The following CNBD1 variants were observed in gnomAD, a reference collection of about 807,000 sequenced individuals.
CNBD1 encodes cyclic nucleotide-binding domain-containing protein 1.
In CNBD1, 71 loss-of-function variants were observed where a neutral mutation model predicts 54.4. The observed-to-expected ratio is 1.30, with a 90% CI of 1.08 to 1.59. The LOEUF is 1.59. CNBD1 is among the 40% of genes most tolerant of loss of function. The probability of loss-of-function intolerance (pLI) is 0.00; values close to 1 mark genes in which losing one functional copy is unlikely to be tolerated. For missense variants in CNBD1, 659 were observed against 518.0 expected (o/e 1.27, Z -2.64); for synonymous variants, 182 against 170.7 (o/e 1.07, Z -0.51).
At chr8:87,290,652 A>G (rs561830183) in intron 8 of CNBD1, among the ~76,000 whole-genome samples, 1 of 152,274 alleles carries the variant, frequency 6.6e-6, no homozygotes, top group South Asian at 2.1e-4. Flanking sequence ...GAGGGAGTAT[A>G]TGCTAGTAAC....
intron 4 of CNBD1, among the ~76,000 whole-genome samples, chr8:87,140,211 TTCTC>T (rs751577787): frequency 8.7e-5 from 13 of 149,566 alleles, no homozygotes; most frequent in East Asian, 5.8e-4. Context: ...TCTGTCTCTC[TTCTC>T]TCTCTCTCTC....
chr8:87,315,390 T>A (rs1269949129), intron 8 of CNBD1, among the ~76,000 whole-genome samples: 1 of 152,088 alleles, frequency 6.6e-6, no homozygotes, highest in African/African-American at 2.4e-5. Context: ...TAGAGATTTT[T>A]TTTTTTGGCT....
intron 8 of CNBD1, among the ~76,000 whole-genome samples, chr8:87,314,635 A>G (rs1266834400): frequency 1.3e-5 from 2 of 152,038 alleles, no homozygotes; most frequent in African/African-American, 2.4e-5. Flanking sequence ...ATATTATCAG[A>G]TTTGATTATC....
intron 4 of CNBD1, among the ~76,000 whole-genome samples, chr8:86,941,522 G>C (rs936737585): frequency 1.3e-5 from 2 of 152,144 alleles, no homozygotes; most frequent in Non-Finnish European, 2.9e-5. Flanking sequence ...GGTAATTCCT[G>C]TCTTTTTTAC....
chr8:86,975,236 TC>T (rs1657659325), intron 4 of CNBD1, among the ~76,000 whole-genome samples: 1 of 152,058 alleles, frequency 6.6e-6, no homozygotes, highest in African/African-American at 2.4e-5. Context: ...AGTTATCATT[TC>T]TTTGTGGTAG....
intron 3 of CNBD1, among the ~76,000 whole-genome samples, chr8:86,928,810 T>G (rs895774626): frequency 6.6e-6 from 1 of 152,226 alleles, no homozygotes; most frequent in Non-Finnish European, 1.5e-5. Context: ...TGTAGGAGAT[T>G]TGGCCCTGTA....
At chr8:87,355,331 C>T (rs1810399005) in intron 10 of CNBD1, among the ~76,000 whole-genome samples, 2 of 152,098 alleles carry the variant, frequency 1.3e-5, no homozygotes, top group African/African-American at 4.8e-5. Flanking sequence ...CATCTTCTGG[C>T]TTTCATCTCT....
chr8:87,036,345 A>T (rs888806061), intron 4 of CNBD1, among the ~76,000 whole-genome samples: 3 of 152,126 alleles, frequency 2.0e-5, no homozygotes, highest in Non-Finnish European at 4.4e-5. Flanking sequence ...CTGTAATCCC[A>T]GCACTTTGGG....
intron 10 of CNBD1, among the ~76,000 whole-genome samples, chr8:87,370,409 G>A (rs2130947127): frequency 6.6e-6 from 1 of 152,146 alleles, no homozygotes; most frequent in Non-Finnish European, 1.5e-5. Context: ...ACTTTTTAAT[G>A]ATTGCCATTC....
chr8:87,324,627 T>C (rs1809628191), intron 8 of CNBD1, among the ~76,000 whole-genome samples: 1 of 151,314 alleles, frequency 6.6e-6, no homozygotes, highest in Admixed American at 6.6e-5. Context: ...GTAGTTTGTA[T>C]TTCTGTGGGA....
intron 3 of CNBD1, among the ~76,000 whole-genome samples, chr8:86,928,257 A>G (rs953576232): frequency 3.3e-5 from 5 of 152,188 alleles, no homozygotes; most frequent in Non-Finnish European, 5.9e-5. Context: ...AATGTCATCC[A>G]TACAGCATTT....
At chr8:87,189,140 A>G (rs1450734293) in intron 4 of CNBD1, among the ~76,000 whole-genome samples, 1 of 152,176 alleles carries the variant, frequency 6.6e-6, no homozygotes, top group African/African-American at 2.4e-5. Flanking sequence ...TATTGTGTTT[A>G]TGGCTGCTGA....
intron 4 of CNBD1, among the ~76,000 whole-genome samples, chr8:87,060,132 G>A (rs777880647): frequency 1.3e-5 from 2 of 152,196 alleles, no homozygotes; most frequent in Admixed American, 1.3e-4. Context: ...ATCTGGAAGT[G>A]TAGTTCTCCC....
In CNBD1 at chr8:87,325,057, T is replaced by G; in HGVS notation, c.1043-26628T>G. ...CTTTATTTCTGCCTTCATTTCGTTA[T>G]GTACCCAGTAGTCATTCAGGAGCAG... is the stretch of plus-strand genomic sequence containing the variant. On this transcript the variant is annotated intron_variant, in intron 8 of 10. Coordinates refer to ENST00000518476, the MANE Select transcript of CNBD1 (RefSeq NM_173538.3). 2.0e-5 allele frequency among the ~76,000 whole-genome samples: 2 copies of G among 99,468 alleles called. 1 individual carries two copies. The highest frequency in any genetic ancestry group is 4.0e-5 in the Non-Finnish European group (2 of 49,564). 65.3% of individuals were successfully genotyped at this position (99,468 alleles called of 152,430 possible). A position where few individuals can be genotyped will look rare whatever the true frequency, so the allele number is the denominator to read the frequency against.
chr8:86,965,552 A>G (rs1469937871), intron 4 of CNBD1, among the ~76,000 whole-genome samples: 1 of 151,902 alleles, frequency 6.6e-6, no homozygotes, highest in African/African-American at 2.4e-5. Context: ...TTTTTTCTTC[A>G]TTTTGGCTAT....
chr8:86,876,867 A>G (rs1045179734), intron 1 of CNBD1, among the ~76,000 whole-genome samples: 8 of 151,982 alleles, frequency 5.3e-5, no homozygotes, highest in African/African-American at 1.9e-4. Context: ...TTGTTTGACA[A>G]CAAAGGGAAG....
chr8:87,307,864 A>G (rs2130888135), intron 8 of CNBD1, among the ~76,000 whole-genome samples: 1 of 152,130 alleles, frequency 6.6e-6, no homozygotes, highest in South Asian at 2.1e-4. Context: ...AAGAGAAAAA[A>G]TAACAATAAA....
chr8:87,156,853 T>C (rs1812753522), intron 4 of CNBD1, among the ~76,000 whole-genome samples: 1 of 152,000 alleles, frequency 6.6e-6, no homozygotes, highest in Admixed American at 6.6e-5. Flanking sequence ...AGAATTCTAC[T>C]CAGAAAGTAA....
At chr8:87,391,819 T>A (rs1210368734) in intron 2 of CNBD1, among the ~76,000 whole-genome samples, 2 of 151,930 alleles carry the variant, frequency 1.3e-5, no homozygotes, top group African/African-American at 4.8e-5. Flanking sequence ...AACCAAAAAA[T>A]GAAACAAAAT....
Sources: allele counts gnomAD v4.1 joint callset (sites outside exome capture counted in the v4.1 genomes callset), GRCh38; gene constraint gnomAD v4.1.1; transcripts MANE v1.5; gene names NCBI Gene and HGNC (gene_info 2026-07-23, HGNC 2026-07-21).